SIM1: variants seen among roughly 807,000 people sequenced by gnomAD.
SIM1 encodes SIM bHLH transcription factor 1, also known as single-minded homolog 1.
SIM1 carries 18 observed loss-of-function variants against 78.2 expected under a neutral mutation model. The ratio of observed to expected loss-of-function variants is 0.23; its 90% confidence interval spans 0.16 to 0.34. The LOEUF is 0.34. Among genes scored for constraint, SIM1 ranks in the 10% least tolerant of loss-of-function variants. The pLI is 1.00. For synonymous variants in SIM1, 417 were observed against 385.2 expected, an observed-to-expected ratio of 1.08 and a Z score of -0.97; for missense variants, 939 against 975.1, an observed-to-expected ratio of 0.96 and a Z score of 0.49.
intron 9 of SIM1, among the ~76,000 whole-genome samples, chr6:100,427,796 C>T (rs1410481759): frequency 6.6e-6 from 1 of 152,208 alleles, no homozygotes; most frequent in Non-Finnish European, 1.5e-5. Flanking sequence ...TTCACTGCCT[C>T]AACCACTCAT....
At position 100,393,867 on chromosome 6, in the gene SIM1, C is replaced by A; in HGVS notation, c.1190G>T (p.Arg397Ile). Residue 397 changes from arginine (R) to isoleucine (I), a missense_variant, in exon 11 of 12, where the codon AGA becomes ATA. Physicochemically the swap from Arg to Ile is moderately conservative, Grantham distance 97. Transcript: ENST00000369208. ...CTGGCTGTCATGATCAGATTCCGAT[C>A]TTTCTGTGTGAAATCCCGAATACTG... ...YPQYSGFHTERSESDHDSQWG... is the reference protein window; with the variant it reads ...YPQYSGFHTEISESDHDSQWG... 6.4e-7 allele frequency: 1 copy of A among 1,568,410 alleles called. No homozygotes were observed. The highest frequency in any genetic ancestry group is 8.7e-7 in the Non-Finnish European group (1 of 1,153,720).
At chr6:100,444,939 A>G (rs1772317843) in intron 9 of SIM1, among the ~76,000 whole-genome samples, 1 of 152,162 alleles carries the variant, frequency 6.6e-6, no homozygotes, top group Non-Finnish European at 1.5e-5. Context: ...AACATCTGGC[A>G]TGTCAAACTA....
intron 1 of SIM1, among the ~76,000 whole-genome samples, chr6:100,464,292 C>T (rs1188023686): frequency 9.9e-5 from 15 of 152,208 alleles, no homozygotes; most frequent in Admixed American, 9.8e-4. Flanking sequence ...TCCTCCAAGG[C>T]GAGGCAGGGG....
intron 10 of SIM1, among the ~76,000 whole-genome samples, chr6:100,412,733 AAGAAAG>A (rs1562240137): frequency 6.9e-6 from 1 of 145,010 alleles, no homozygotes; most frequent in African/African-American, 2.6e-5. Flanking sequence ...GAAAGAAAGA[AAGAAAG>A]AAAGAAAGAA....
At position 100,412,655 on chromosome 6, in the gene SIM1, A is replaced by AAGAG. The variant is rs370580427; in HGVS notation, c.1167+8131_1167+8134dup. Among the ~76,000 whole-genome samples, 70 of 96,672 alleles carry AAGAG rather than the reference A, an allele frequency of 7.2e-4. 7 individuals carry two copies. In the East Asian group the frequency reaches 7.6e-3, roughly 11 times the overall value. The allele number at this position is 96,672 out of a possible 152,430, so 63.4% of individuals were successfully genotyped here. ...AAGAAAGAAAAGAAAGAAAGAAAGA[A>AAGAG]AGAGAGAGAGAGAGAGAGAAAGAAA... On this transcript the variant is annotated intron_variant, in intron 10 of 11. Transcript: ENST00000369208.
At chr6:100,461,340 T>C (rs1373444905) in intron 2 of SIM1, among the ~76,000 whole-genome samples, 1 of 152,154 alleles carries the variant, frequency 6.6e-6, no homozygotes, top group East Asian at 1.9e-4. Context: ...CAGCCCGATT[T>C]CCTCCCAGCT....
At chr6:100,457,525 G>A (rs1345187607) in intron 2 of SIM1, among the ~76,000 whole-genome samples, 3 of 152,188 alleles carry the variant, frequency 2.0e-5, no homozygotes, top group South Asian at 4.1e-4. Flanking sequence ...GTATCCTGCC[G>A]GGCCTGCACA....
intron 2 of SIM1, among the ~76,000 whole-genome samples, chr6:100,457,356 C>T (rs903743584): frequency 1.3e-5 from 2 of 152,228 alleles, no homozygotes; most frequent in Non-Finnish European, 1.5e-5. Flanking sequence ...AGGCCCTGTT[C>T]CATGACCTGA....
At position 100,455,110 on chromosome 6, in the gene SIM1, A is replaced by G. The variant is rs539940335; in HGVS notation, c.176-1266T>C. On this transcript the variant is annotated intron_variant, in intron 2 of 11. Transcript: ENST00000369208. ...AATAAAACATGGAGTTGGATTTTTT[A>G]AAAGGTGTTGGCTAGGAGCTGCTTC... Among the ~76,000 whole-genome samples the G allele has an allele frequency of 2.1e-3, 323 of 152,208 alleles. 3 individuals are homozygous for G. Among genetic ancestry groups the G allele is most frequent in the African/African-American group, 7.6e-3 (317 of 41,556 alleles).
intron 10 of SIM1, among the ~76,000 whole-genome samples, chr6:100,402,487 TG>T (rs1318068407): frequency 1.4e-4 from 21 of 151,606 alleles, no homozygotes; most frequent in African/African-American, 4.8e-4. Flanking sequence ...GGGAGAATCA[TG>T]GTCAATTAGG....
intron 9 of SIM1, among the ~76,000 whole-genome samples, chr6:100,431,187 C>T (rs1771891148): frequency 6.6e-6 from 1 of 152,188 alleles, no homozygotes; most frequent in Admixed American, 6.5e-5. Context: ...CACAAATCTT[C>T]ATTTGTTTAA....
At position 100,463,510 on chromosome 6, in the gene SIM1, A is replaced by T. The variant is rs767211639; in HGVS notation, c.-42T>A. 6.5e-7 allele frequency: 1 copy of T among 1,540,882 alleles called. No individual in the cohort carries two copies. The highest frequency in any genetic ancestry group is 1.9e-5 in the Admixed American group (1 of 51,928). ...TTTCTTCTCACAACTTAAGCTCCGC[A>T]GATTCATCCAAAACCAAAAATAAAC... On this transcript the variant is annotated 5_prime_UTR_variant, in exon 2 of 12. Transcript: ENST00000369208.
intron 10 of SIM1, among the ~76,000 whole-genome samples, chr6:100,413,481 T>G (rs1771316249): frequency 6.6e-6 from 1 of 152,230 alleles, no homozygotes; most frequent in Non-Finnish European, 1.5e-5. Context: ...TCATTTTTTC[T>G]TCTTATTGTT....
intron 2 of SIM1, among the ~76,000 whole-genome samples, chr6:100,461,087 A>C: frequency 7.2e-6 from 1 of 139,404 alleles, no homozygotes; most frequent in Admixed American, 7.1e-5. Context: ...GCTCGGGGGA[A>C]GGTGAGGGGG....
intron 3 of SIM1, among the ~76,000 whole-genome samples, chr6:100,451,861 T>C (rs906068865): frequency 4.6e-5 from 7 of 152,180 alleles, no homozygotes; most frequent in African/African-American, 1.7e-4. Context: ...ACTTCAAGTG[T>C]ATGCAGATTT....
At chr6:100,448,960 TGACGTTCAAG>T (rs1353261022) in intron 6 of SIM1, among the ~76,000 whole-genome samples, 2 of 152,192 alleles carry the variant, frequency 1.3e-5, no homozygotes, top group Non-Finnish European at 2.9e-5. Context: ...AACCTGCTAA[TGACGTTCAAG>T]GACATTCAAC....
chr6:100,391,879 G>A (rs1770647435), intron 11 of SIM1, among the ~76,000 whole-genome samples: 1 of 152,064 alleles, frequency 6.6e-6, no homozygotes, highest in Non-Finnish European at 1.5e-5. Flanking sequence ...TTTGAAGTAA[G>A]GTAAAGAATA....
chr6:100,403,296 G>A (rs1478471025), intron 10 of SIM1, among the ~76,000 whole-genome samples: 3 of 152,202 alleles, frequency 2.0e-5, no homozygotes, highest in African/African-American at 7.2e-5. Context: ...CTGGATTTCA[G>A]ATGACATCCA....
intron 10 of SIM1, among the ~76,000 whole-genome samples, chr6:100,402,017 G>T (rs1272615949): frequency 2.0e-5 from 3 of 152,066 alleles, no homozygotes; most frequent in African/African-American, 7.2e-5. Context: ...CTTTTCTTGG[G>T]CCTTGGTTTT....
Sources: gnomAD v4.1 joint callset for allele counts (sites outside exome capture counted in the v4.1 genomes callset) on GRCh38, gnomAD v4.1.1 for gene constraint, MANE v1.5 for transcripts, NCBI Gene and HGNC (gene_info 2026-07-23, HGNC 2026-07-21) for gene names.